CACNA2D4: variants seen among roughly 807,000 people sequenced by gnomAD.
CACNA2D4 encodes calcium voltage-gated channel auxiliary subunit alpha2delta 4, also known as voltage-dependent calcium channel subunit alpha-2/delta-4.
CACNA2D4 carries 157 observed loss-of-function variants against 163.8 expected under a neutral mutation model. The observed-to-expected ratio is 0.96, with a 90% confidence interval of 0.84 to 1.09. The LOEUF (loss-of-function observed/expected upper bound fraction) is 1.09. Among genes scored for constraint, CACNA2D4 ranks in the 50% least tolerant of loss-of-function variants. The pLI, the probability that CACNA2D4 is intolerant of heterozygous loss-of-function variation, is 0.00. For missense variants in CACNA2D4, 1,410 were observed against 1,479.9 expected (o/e 0.95, Z 0.78); for synonymous variants, 598 against 586.9 (o/e 1.02, Z -0.27).
intron 1 of CACNA2D4, chr12:1,915,175 A>T (rs1352932806): frequency 1.4e-6 from 1 of 702,736 alleles, no homozygotes; most frequent in South Asian, 1.5e-5. Flanking sequence ...ATATGCCCAG[A>T]AACACACAAA....
chr12:1,801,791 G>A (rs1863342805), intron 29 of CACNA2D4, 147 bp from the exon 30 acceptor site: 1 of 575,804 alleles, frequency 1.7e-6, no homozygotes, highest in Admixed American at 3.2e-5. Flanking sequence ...GCATAATCCA[G>A]CTGAACCCTT....
intron 18 of CACNA2D4, among the ~76,000 whole-genome samples, chr12:1,872,314 A>AGTTTCT (rs1865803950): frequency 6.6e-6 from 1 of 152,126 alleles, no homozygotes; most frequent in Non-Finnish European, 1.5e-5. Context: ...TTGGCCCCAT[A>AGTTTCT]GGTTTCTGGG....
Position 1,811,846 on chromosome 12 carries a change from G to A in CACNA2D4, c.2552-123C>T, listed in dbSNP as rs935305541. The stretch of plus-strand genomic sequence containing the variant: ...AGGAGAGAGACCGCAGCGGATGGGA[G>A]GACTGAGTCAGAGGGCAGAGTGCAA... On this transcript the variant is annotated intron_variant, in intron 26 of 37. Transcript: ENST00000382722. 17 of 943,526 alleles carry A rather than the reference G, an allele frequency of 1.8e-5. No individual in the cohort carries two copies. In the African/African-American group the frequency reaches 2.6e-4, roughly 15 times the overall value. The allele number at this position is 943,526 out of a possible 1,614,324, so 58.4% of individuals were successfully genotyped here.
intron 26 of CACNA2D4, among the ~76,000 whole-genome samples, chr12:1,817,404 A>G (rs1863911366): frequency 6.6e-6 from 1 of 152,100 alleles, no homozygotes; most frequent in Non-Finnish European, 1.5e-5. Flanking sequence ...CCTGAAGGAC[A>G]CGGAACAGGT....
rs545670326 is a variant in CACNA2D4, at chr12:1,811,319, G to A, written c.2613+343C>T. On this transcript the variant is annotated intron_variant, in intron 27 of 37. Transcript: ENST00000382722. ...GAATTCTCAGCCAGAAGCCGCTGTC[G>A]TCTCTGGCATCTCTTGCCAGCCATC... 6.6e-5 allele frequency among the ~76,000 whole-genome samples: 10 copies of A among 152,346 alleles called. No individual in the cohort carries two copies. The South Asian group carries it at 1.7e-3, about 25-fold the overall frequency.
intron 26 of CACNA2D4, among the ~76,000 whole-genome samples, chr12:1,837,345 G>A (rs543080083): frequency 6.6e-6 from 1 of 152,276 alleles, no homozygotes; most frequent in South Asian, 2.1e-4. Flanking sequence ...CTCAGGCGAC[G>A]GCAAACCATG....
At chr12:1,908,694 C>T (rs879445895) in intron 4 of CACNA2D4, among the ~76,000 whole-genome samples, 2 of 145,848 alleles carry the variant, frequency 1.4e-5, no homozygotes, top group South Asian at 2.3e-4. Context: ...GACTGCGTCA[C>T]GGACATCCCC....
intron 18 of CACNA2D4, among the ~76,000 whole-genome samples, chr12:1,865,654 C>CCAG (rs576632941): frequency 3.1e-4 from 47 of 152,128 alleles, no homozygotes; most frequent in African/African-American, 9.9e-4. Context: ...CGCACGAGGC[C>CCAG]CAGCAGCAGC....
chr12:1,910,321 T>C (rs1866782503), intron 3 of CACNA2D4, among the ~76,000 whole-genome samples: 1 of 152,240 alleles, frequency 6.6e-6, no homozygotes, highest in African/African-American at 2.4e-5. Context: ...TGTCTGATAC[T>C]GTAATAGTGG....
intron 26 of CACNA2D4, among the ~76,000 whole-genome samples, chr12:1,815,023 AGGATTACAG>A (rs1863830296): frequency 6.6e-6 from 1 of 152,076 alleles, no homozygotes; most frequent in Non-Finnish European, 1.5e-5. Context: ...CCTAGTAGCT[AGGATTACAG>A]GCGCGTGTGA....
rs771712798 is a variant in CACNA2D4, at chr12:1,860,153, G to A, written c.1932C>T (p.Thr644=). 16 of 1,612,940 alleles carry A rather than the reference G, an allele frequency of 9.9e-6. No homozygotes were observed. The Admixed American group carries it at 1.5e-4, about 15-fold the overall frequency. The stretch of plus-strand genomic sequence containing the variant: ...AAGCCTGTGTCCCTCACCTGAAAGG[G>A]GTGTCGCTGATGTCCGTGAAGAAGT... ...NDYFFTDISD[T]PFSLGVVLSR... is the part of the protein sequence containing the mutation. The change falls in exon 19 of 38, where the codon ACC becomes ACT. Residue 644 remains threonine (T), a synonymous_variant. Transcript: ENST00000382722.
At chr12:1,851,680 T>TGTGTGTGTGTGCG (rs55736421) in intron 23 of CACNA2D4, among the ~76,000 whole-genome samples, 1 of 26,762 alleles carries the variant, frequency 3.7e-5, no homozygotes, top group African/African-American at 1.4e-4. Flanking sequence ...TGTGTGTGCG[T>TGTGTGTGTGTGCG]TTTTTTTTTT....
intron 26 of CACNA2D4, chr12:1,831,618 G>C: frequency 8.9e-7 from 1 of 1,125,754 alleles, no homozygotes. Context: ...CTGACTCAGA[G>C]AGCAGGCCAG....
At chr12:1,884,385 G>T (rs1866083715) in intron 11 of CACNA2D4, 64 bp from the exon 12 acceptor site, 1 of 1,294,126 alleles carries the variant, frequency 7.7e-7, no homozygotes, top group Non-Finnish European at 1.1e-6. Context: ...TGTTAACATT[G>T]TTTATATGAG....
At position 1,829,537 on chromosome 12, in the gene CACNA2D4, T is replaced by C. The variant is rs4766423; in HGVS notation, c.2551+11202A>G. On this transcript the variant is annotated intron_variant, in intron 26 of 37. Transcript: ENST00000382722. This position sits in a 1 kb window ranked among gnomAD's most constrained non-coding sequence, Gnocchi z 4.2. ...GCTGCAGGGAGGCCTGGGCCAGATCTAGCCACGTGTCAGCTCTCAGCTGTC... is the reference window on the plus strand; with the variant it reads ...GCTGCAGGGAGGCCTGGGCCAGATCCAGCCACGTGTCAGCTCTCAGCTGTC... Among the ~76,000 whole-genome samples, 6,565 of 152,090 alleles carry C rather than the reference T, an allele frequency of 0.043. 402 individuals are homozygous for C. Among genetic ancestry groups the C allele is most frequent in the African/African-American group, 0.14 (5,761 of 41,482 alleles).
chr12:1,886,945 G>A (rs1354468055), intron 7 of CACNA2D4, 64 bp downstream of exon 7: 2 of 1,264,078 alleles, frequency 1.6e-6, no homozygotes, highest in Non-Finnish European at 2.3e-6. Flanking sequence ...AGGAGGATGA[G>A]GCAAAACCCA....
intron 6 of CACNA2D4, among the ~76,000 whole-genome samples, chr12:1,891,061 G>T (rs1283068624): frequency 1.3e-5 from 2 of 152,162 alleles, no homozygotes; most frequent in African/African-American, 4.8e-5. Flanking sequence ...CTGAAAGCCT[G>T]CCCAACAGCC....
chr12:1,800,163 A>G lies in CACNA2D4; in HGVS notation c.2922-111T>C, dbSNP rs1863264254. ...CGGCCCATCCCCTCTCCTCCAGGAC[A>G]CCCTCTTCCCTGCTTGAGGGCTCTG... On this transcript the variant is annotated intron_variant, in intron 32 of 37. Coordinates refer to ENST00000382722, the MANE Select transcript of CACNA2D4 (RefSeq NM_172364.5). 4.4e-6 allele frequency: 5 copies of G among 1,140,086 alleles called. No individual in the cohort carries two copies. In the Admixed American group the frequency reaches 1.0e-4, roughly 23 times the overall value. 70.6% of individuals were successfully genotyped at this position (1,140,086 alleles called of 1,614,324 possible).
rs1865390475 is a variant in CACNA2D4, at chr12:1,856,016, C to T, written c.2148G>A (p.Leu716=). The T allele has an allele frequency of 6.2e-7, 1 of 1,613,470 alleles. No individual in the cohort carries two copies. The highest frequency in any genetic ancestry group is 8.5e-7 in the Non-Finnish European group (1 of 1,179,410). ...CAGTGGGCGGCCAGCACTCACACTC[C>T]AGGTCTGGGTCCTTCCTGGTGAGGA... ...IRFLTRKDPD[L]ECDEELVREV... Residue 716 remains leucine, a synonymous_variant, in exon 22 of 38, where the codon CTG becomes CTA. Coordinates refer to ENST00000382722, the MANE Select transcript of CACNA2D4 (RefSeq NM_172364.5).
Sources: allele counts gnomAD v4.1 joint callset (sites outside exome capture counted in the v4.1 genomes callset), GRCh38; gene constraint gnomAD v4.1.1; non-coding constraint Gnocchi (gnomAD v3.1); transcripts MANE v1.5; gene names NCBI Gene and HGNC (gene_info 2026-07-23, HGNC 2026-07-21).